The following CAMSAP1 variants were observed in gnomAD, a reference collection of about 807,000 sequenced individuals.
CAMSAP1 encodes calmodulin-regulated spectrin-associated protein 1.
A neutral mutation model predicts 143.5 loss-of-function variants in CAMSAP1; 58 were observed. The observed-to-expected ratio is 0.40, with a 90% CI of 0.33 to 0.50. CAMSAP1 has a LOEUF of 0.50. CAMSAP1 is among the 20% of genes least tolerant of loss of function. The pLI is 0.45. For synonymous variants in CAMSAP1, 945 were observed against 859.3 expected, an observed-to-expected ratio of 1.10 and a Z score of -1.74; for missense variants, 1,969 against 2,115.7, an observed-to-expected ratio of 0.93 and a Z score of 1.36.
At position 135,820,437 on chromosome 9, in the gene CAMSAP1, C is replaced by A. The variant is rs769070032; in HGVS notation, c.3822+402G>T. Among the ~76,000 whole-genome samples, 1 of 152,084 alleles carries A rather than the reference C, an allele frequency of 6.6e-6. No individual in the cohort carries two copies. The highest frequency in any genetic ancestry group is 1.5e-5 in the Non-Finnish European group (1 of 68,026). Reference sequence around the variant, plus strand: ...AGTTGCTATATCAGAGGTTGGCAAACTTCAGCCCACAGGCCAGGCCTGGCC... The same window carrying A: ...AGTTGCTATATCAGAGGTTGGCAAAATTCAGCCCACAGGCCAGGCCTGGCC... On this transcript the variant is annotated intron_variant, in intron 11 of 16. Coordinates refer to ENST00000389532, the MANE Select transcript of CAMSAP1 (RefSeq NM_015447.4). This position sits in a 1 kb window ranked among gnomAD's most constrained non-coding sequence, Gnocchi z 4.4.
intron 1 of CAMSAP1, among the ~76,000 whole-genome samples, chr9:135,895,652 T>A (rs1477066965): frequency 2.0e-5 from 3 of 152,062 alleles, no homozygotes; most frequent in Non-Finnish European, 4.4e-5. Flanking sequence ...AATGAGTAAA[T>A]ACAACAGACT....
chr9:135,887,426 C>T (rs770602722), intron 1 of CAMSAP1, among the ~76,000 whole-genome samples: 1 of 152,148 alleles, frequency 6.6e-6, no homozygotes, highest in Non-Finnish European at 1.5e-5. Flanking sequence ...GTGAGAACAG[C>T]GGGAACTGTG....
At chr9:135,876,564 T>G (rs1001924931) in intron 3 of CAMSAP1, among the ~76,000 whole-genome samples, 4 of 152,148 alleles carry the variant, frequency 2.6e-5, no homozygotes, top group Non-Finnish European at 4.4e-5. Flanking sequence ...GCAACCGGAA[T>G]CCTATCTTGC....
chr9:135,828,074 G>A (rs180858766), intron 7 of CAMSAP1, among the ~76,000 whole-genome samples: 66 of 152,388 alleles, frequency 4.3e-4, no homozygotes, highest in African/African-American at 1.6e-3. Context: ...GTGGGCAGCT[G>A]CTCTGGTGGG....
rs1380937151 is a variant in CAMSAP1 at position 135,892,315 on chromosome 9, T to C, written c.161-9237A>G. On this transcript the variant is annotated intron_variant, in intron 1 of 16. Coordinates refer to ENST00000389532, the MANE Select transcript of CAMSAP1 (RefSeq NM_015447.4). ...CTTTCAGTTACCATGCTTCAAACAA[T>C]AGCAACAAAAAAGACACGATTAAAA... Among the ~76,000 whole-genome samples, 3 of 151,722 alleles carry C rather than the reference T, an allele frequency of 2.0e-5. No individual in the cohort carries two copies. The East Asian group carries it at 5.8e-4, about 29-fold the overall frequency.
chr9:135,823,872 G>T, intron 10 of CAMSAP1, 78 bp downstream of exon 10: 2 of 1,119,364 alleles, frequency 1.8e-6, no homozygotes, highest in African/African-American at 1.5e-5. Context: ...TCCTCAGGGG[G>T]TTGGGGTGAC....
intron 5 of CAMSAP1, among the ~76,000 whole-genome samples, chr9:135,861,681 G>T (rs894466047): frequency 6.6e-6 from 1 of 152,150 alleles, no homozygotes; most frequent in African/African-American, 2.4e-5. Flanking sequence ...TTTACGCCCA[G>T]TAGGAACAAG....
rs1421863919 is a variant in CAMSAP1, at chr9:135,827,296, C to T, written c.1223+111G>A. 34 of 1,113,092 alleles carry T rather than the reference C, an allele frequency of 3.1e-5. No individual in the cohort carries two copies. The South Asian group carries it at 3.8e-4, about 12-fold the overall frequency. The allele number at this position is 1,113,092 out of a possible 1,614,324, so 69.0% of individuals were successfully genotyped here. A position where few individuals can be genotyped will look rare whatever the true frequency, so the allele number is the denominator to read the frequency against. ...GGACAGAAGGAAAATCTTTCATAAG[C>T]GAATACAAATTGCTTATTTTAAAAA... On this transcript the variant is annotated intron_variant, in intron 8 of 16. Transcript: ENST00000389532.
intron 7 of CAMSAP1, among the ~76,000 whole-genome samples, chr9:135,838,312 C>T (rs1182826683): frequency 1.3e-5 from 2 of 150,934 alleles, no homozygotes; most frequent in Non-Finnish European, 2.9e-5. Flanking sequence ...CACGCACTTT[C>T]TACCCCTTCT....
At chr9:135,879,473 C>T (rs1386324823) in intron 3 of CAMSAP1, among the ~76,000 whole-genome samples, 2 of 152,124 alleles carry the variant, frequency 1.3e-5, no homozygotes, top group Non-Finnish European at 1.5e-5. Context: ...GACAGATGCT[C>T]TTACCCAGAA....
chr9:135,848,552 C>A (rs936401359), intron 7 of CAMSAP1, among the ~76,000 whole-genome samples: 1 of 152,152 alleles, frequency 6.6e-6, no homozygotes, highest in Non-Finnish European at 1.5e-5. Context: ...CGCATGCACA[C>A]ACATACACAC....
chr9:135,850,215 T>G lies in CAMSAP1; in HGVS notation c.967A>C (p.Ile323Leu), dbSNP rs1466539793. The part of the protein sequence containing the change: ...LVLKPNVMVF[I>L]AELFWWFENV... ...TCGAACCACCAAAAAAGCTCCGCAA[T>G]AAAAACCATAACATTCGGCTAAAAG... is the stretch of plus-strand genomic sequence containing the variant. Residue 323 changes from isoleucine (I) to leucine (L), a missense_variant, in exon 7 of 17, where the codon ATT becomes CTT. Ile to Leu is a conservative substitution (Grantham distance 5, BLOSUM62 2). Transcript: ENST00000389532. The G allele has an allele frequency of 1.9e-6, 3 of 1,612,970 alleles. No homozygotes were observed. In the African/African-American group the frequency reaches 4.0e-5, roughly 22 times the overall value.
intron 3 of CAMSAP1, among the ~76,000 whole-genome samples, chr9:135,872,289 C>G (rs374965006): frequency 5.9e-5 from 9 of 151,962 alleles, no homozygotes; most frequent in African/African-American, 2.2e-4. Flanking sequence ...AATGACAACA[C>G]AAAGGTCAGC....
At chr9:135,815,042 A>T in intron 16 of CAMSAP1, 55 bp downstream of exon 16, 1 of 1,265,572 alleles carries the variant, frequency 7.9e-7, no homozygotes, top group Non-Finnish European at 1.1e-6. Context: ...AGAACCCTTA[A>T]TTTATAAACA....
At position 135,880,088 on chromosome 9, in the gene CAMSAP1, T is replaced by C. The variant is rs3119679; in HGVS notation, c.585+1545A>G. On this transcript the variant is annotated intron_variant, in intron 3 of 16. Coordinates refer to ENST00000389532, the MANE Select transcript of CAMSAP1 (RefSeq NM_015447.4). ...TTGTTCATCCATAGTTTCTACATTTTCTATAACTATGTCATTTCTAATACG... is the reference window on the plus strand; with the variant it reads ...TTGTTCATCCATAGTTTCTACATTTCCTATAACTATGTCATTTCTAATACG... 2.6e-3 allele frequency among the ~76,000 whole-genome samples: 397 copies of C among 152,288 alleles called. 2 individuals are homozygous for C. The highest frequency in any genetic ancestry group is 0.01 in the Middle Eastern group (3 of 294).
intron 7 of CAMSAP1, among the ~76,000 whole-genome samples, chr9:135,848,704 T>A (rs1836666145): frequency 6.6e-6 from 1 of 152,218 alleles, no homozygotes; most frequent in African/African-American, 2.4e-5. Flanking sequence ...TCTTGTGGCA[T>A]GGACATAGAA....
Position 135,824,112 on chromosome 9 carries a change from C to A in CAMSAP1, c.1316-78G>T. 1 of 1,305,016 alleles carries A rather than the reference C, an allele frequency of 7.7e-7. No homozygotes were observed. Among genetic ancestry groups the A allele is most frequent in the South Asian group, 1.3e-5 (1 of 78,906 alleles). 80.8% of individuals were successfully genotyped at this position (1,305,016 alleles called of 1,614,324 possible). On this transcript the variant is annotated intron_variant, in intron 9 of 16. Coordinates refer to ENST00000389532, the MANE Select transcript of CAMSAP1 (RefSeq NM_015447.4). The surrounding 1 kb of genome is among the most constrained non-coding windows in gnomAD (Gnocchi z 4.1). The stretch of plus-strand genomic sequence containing the variant: ...AAATTCTTTCAATATGACCATTTGT[C>A]CAGAAAAATGCCTCTCAAGTCAGTA...
At chr9:135,866,691 C>T (rs1026064851) in intron 3 of CAMSAP1, among the ~76,000 whole-genome samples, 155 bp from the exon 4 acceptor site, 1 of 152,142 alleles carries the variant, frequency 6.6e-6, no homozygotes, top group Non-Finnish European at 1.5e-5. Flanking sequence ...CAGAAGTACA[C>T]GGATTCCACA....
At chr9:135,867,522 T>A in intron 3 of CAMSAP1, among the ~76,000 whole-genome samples, 1 of 146,618 alleles carries the variant, frequency 6.8e-6, no homozygotes, top group South Asian at 2.2e-4. Flanking sequence ...ATCAAGAAAA[T>A]GAATGAAAAT....
Sources: allele counts gnomAD v4.1 joint callset (sites outside exome capture counted in the v4.1 genomes callset), GRCh38; gene constraint gnomAD v4.1.1; non-coding constraint Gnocchi (gnomAD v3.1); transcripts MANE v1.5; gene names NCBI Gene and HGNC (gene_info 2026-07-23, HGNC 2026-07-21).